The following SAR1B variants were observed in gnomAD, a reference collection of about 807,000 sequenced individuals.
SAR1B encodes the protein secretion associated Ras related GTPase 1B, also known as small COPII coat GTPase SAR1B.
In SAR1B, 23 loss-of-function variants were observed where a neutral mutation model predicts 26.8. The observed-to-expected ratio is 0.86, with a 90% CI of 0.62 to 1.22. The LOEUF is 1.22. Ranked by LOEUF, SAR1B falls within the 50% of genes most tolerant of loss-of-function variation. The pLI, the probability that SAR1B is intolerant of heterozygous loss-of-function variation, is 0.00. For missense variants in SAR1B, 196 were observed against 232.8 expected, an observed-to-expected ratio of 0.84 and a Z score of 1.03; for synonymous variants, 65 against 80.8, an observed-to-expected ratio of 0.80 and a Z score of 1.05.
At chr5:134,616,618 A>C (rs940170804) in intron 3 of SAR1B, among the ~76,000 whole-genome samples, 1 of 152,338 alleles carries the variant, frequency 6.6e-6, no homozygotes, top group Non-Finnish European at 1.5e-5. Flanking sequence ...AGTCTGAATT[A>C]GGCTATTTAA....
chr5:134,625,483 T>C (rs925027841), intron 1 of SAR1B, among the ~76,000 whole-genome samples: 1 of 152,096 alleles, frequency 6.6e-6, no homozygotes. Context: ...TATACAGAGA[T>C]GGAGCGGTGA....
At chr5:134,618,396 T>C (rs556584250) in intron 3 of SAR1B, 2 of 152,358 alleles carry the variant, frequency 1.3e-5, no homozygotes, top group African/African-American at 4.8e-5. Flanking sequence ...AAATACTTTG[T>C]TTTGTTCTAT....
intron 5 of SAR1B, 107 bp from the exon 6 acceptor site, chr5:134,608,610 C>T: frequency 1.6e-6 from 2 of 1,214,214 alleles, no homozygotes; most frequent in South Asian, 1.3e-5. Flanking sequence ...CATATCATGT[C>T]ATACCAACGT....
At chr5:134,621,169 C>A in intron 2 of SAR1B, 117 bp from the exon 3 acceptor site, 1 of 1,230,642 alleles carries the variant, frequency 8.1e-7, no homozygotes, top group South Asian at 1.3e-5. Flanking sequence ...TTTAAAAAAG[C>A]TATTTTAAAT....
rs895291939 is a variant in SAR1B, at chr5:134,606,767, T to C, written c.*183A>G. The C allele has an allele frequency of 1.7e-5, 10 of 600,228 alleles. No homozygotes were observed. The highest frequency in any genetic ancestry group is 2.5e-5 in the Admixed American group (1 of 39,630). The allele number at this position is 600,228 out of a possible 1,614,324, so 37.2% of individuals were successfully genotyped here. On this transcript the variant is annotated 3_prime_UTR_variant, in exon 7 of 7. Coordinates refer to ENST00000402673, the MANE Select transcript of SAR1B (RefSeq NM_016103.4). ...TGGAATTAGAAAGCTAACATTGTGA[T>C]ACTCAAACTTACTTGAATCAGTTTT...
At position 134,606,702 on chromosome 5, in the gene SAR1B, G is replaced by GACAAA. The variant is rs1765133371; in HGVS notation, c.*247_*248insTTTGT. 4.5e-6 allele frequency: 2 copies of GACAAA among 440,676 alleles called. No homozygotes were observed. The highest frequency in any genetic ancestry group is 4.7e-5 in the East Asian group (1 of 21,484). The allele number at this position is 440,676 out of a possible 1,614,324, so 27.3% of individuals were successfully genotyped here. A position where few individuals can be genotyped will look rare whatever the true frequency, so the allele number is the denominator to read the frequency against. ...GTTGCTCTTTACAAATGGCGCTGGG[G>GACAAA]TGATGTCAGATTATAAACTGTAAAA... On this transcript the variant is annotated 3_prime_UTR_variant, in exon 7 of 7. Transcript: ENST00000402673.
At chr5:134,617,186 T>C (rs111590009) in intron 3 of SAR1B, among the ~76,000 whole-genome samples, 6,299 of 151,998 alleles carry the variant, frequency 0.041, 413 homozygotes, top group African/African-American at 0.14. Context: ...GAGCCGCGAT[T>C]GTGCCATTGC....
intron 1 of SAR1B, among the ~76,000 whole-genome samples, chr5:134,630,957 GT>G (rs1198988773): frequency 8.0e-6 from 1 of 125,082 alleles, no homozygotes; most frequent in Non-Finnish European, 1.6e-5. Flanking sequence ...CTGGAGTGCA[GT>G]GGCATGATCA....
At chr5:134,630,889 C>CTTTTTTTTTTTTTTTTTT (rs781218368) in intron 1 of SAR1B, among the ~76,000 whole-genome samples, 4 of 69,124 alleles carry the variant, frequency 5.8e-5, no homozygotes, top group East Asian at 4.6e-4. Context: ...CTTTTTTTTT[C>CTTTTTTTTTTTTTTTTTT]TTTTTTTTTT....
Position 134,612,683 on chromosome 5 carries a change from A to AAAAAAAAAAC in SAR1B, c.244+7_244+8insGTTTTTTTTT. ...AAAAAAAAAAAAAAAAAAAAAAAAG[A>AAAAAAAAAAC]ATCTTACCTTGAACATGTCCACCCA... On this transcript the variant is annotated splice_region_variant and intron_variant, in intron 4 of 6. Coordinates refer to ENST00000402673, the MANE Select transcript of SAR1B (RefSeq NM_016103.4). The AAAAAAAAAAC allele has an allele frequency of 2.8e-6, 3 of 1,055,246 alleles. No homozygotes were observed. Among genetic ancestry groups the AAAAAAAAAAC allele is most frequent in the Non-Finnish European group, 4.0e-6 (3 of 756,328 alleles). The allele number at this position is 1,055,246 out of a possible 1,614,324, so 65.4% of individuals were successfully genotyped here.
intron 5 of SAR1B, 104 bp downstream of exon 5, chr5:134,609,467 C>A: frequency 1.1e-6 from 1 of 893,850 alleles, no homozygotes; most frequent in South Asian, 1.4e-5. Flanking sequence ...AGAGTTTCAT[C>A]AGAGACTGCA....
intron 1 of SAR1B, among the ~76,000 whole-genome samples, chr5:134,625,384 G>A (rs1191025299): frequency 6.6e-6 from 1 of 152,104 alleles, no homozygotes; most frequent in Admixed American, 6.6e-5. Flanking sequence ...AAAAGGACAA[G>A]GGGAACAGGA....
At chr5:134,628,650 T>TA (rs200111327) in intron 1 of SAR1B, among the ~76,000 whole-genome samples, 682 of 150,580 alleles carry the variant, frequency 4.5e-3, no homozygotes, top group South Asian at 7.4e-3. Context: ...ATCCCATCTC[T>TA]AAAAAAAAAA....
chr5:134,605,751 T>G lies in SAR1B; in HGVS notation c.*1199A>C. The G allele has an allele frequency of 6.6e-6, 1 of 150,612 alleles. No individual in the cohort carries two copies. Among genetic ancestry groups the G allele is most frequent in the East Asian group, 1.9e-4 (1 of 5,166 alleles). 9.3% of individuals were successfully genotyped at this position (150,612 alleles called of 1,614,324 possible). On this transcript the variant is annotated 3_prime_UTR_variant, in exon 7 of 7. Coordinates refer to ENST00000402673, the MANE Select transcript of SAR1B (RefSeq NM_016103.4). ...GAGAGCAAATAAGAAAAAAGAAAAT[T>G]GGAAACAAGCACTTGTTTTCTTCTA...
intron 2 of SAR1B, among the ~76,000 whole-genome samples, chr5:134,621,948 G>C (rs1302982771): frequency 1.3e-5 from 2 of 152,120 alleles, no homozygotes; most frequent in African/African-American, 2.4e-5. Flanking sequence ...ATGTTGGCCA[G>C]GCTGGCCTCA....
chr5:134,612,678 A>G lies in SAR1B; in HGVS notation c.244+13T>C, dbSNP rs1765237094. 2.0e-6 allele frequency: 2 copies of G among 1,000,164 alleles called. No homozygotes were observed. The highest frequency in any genetic ancestry group is 3.0e-5 in the East Asian group (1 of 33,660). 62.0% of individuals were successfully genotyped at this position (1,000,164 alleles called of 1,614,324 possible). A position where few individuals can be genotyped will look rare whatever the true frequency, so the allele number is the denominator to read the frequency against. ...AAAAAAAAAAAAAAAAAAAAAAAAAAAAAGAATCTTACCTTGAACATGTCC... is the reference window on the plus strand; with the variant it reads ...AAAAAAAAAAAAAAAAAAAAAAAAAGAAAGAATCTTACCTTGAACATGTCC... On this transcript the variant is annotated intron_variant, in intron 4 of 6. Coordinates refer to ENST00000402673, the MANE Select transcript of SAR1B (RefSeq NM_016103.4).
At chr5:134,629,588 T>C (rs1293020595) in intron 1 of SAR1B, among the ~76,000 whole-genome samples, 1 of 151,972 alleles carries the variant, frequency 6.6e-6, no homozygotes, top group African/African-American at 2.4e-5. Flanking sequence ...TCCCAGCTAC[T>C]CAGGAGGCTG....
intron 1 of SAR1B, chr5:134,625,781 A>T (rs1165941376): frequency 6.6e-6 from 1 of 152,178 alleles, no homozygotes; most frequent in Non-Finnish European, 1.5e-5. Flanking sequence ...AATCACCTGG[A>T]AGACTGGAGG....
In SAR1B at chr5:134,609,664, C is replaced by T. The variant is rs768368190; in HGVS notation, c.255G>A (p.Val85=). 6 of 1,613,880 alleles carry T rather than the reference C, an allele frequency of 3.7e-6. No homozygotes were observed. In the Admixed American group the frequency reaches 1.0e-4, roughly 27 times the overall value. Residue 85 remains valine (V), a synonymous_variant, in exon 5 of 7, where the codon GTG becomes GTA. Coordinates refer to ENST00000402673, the MANE Select transcript of SAR1B (RefSeq NM_016103.4). ...TGATAGCAGGAAGGTAGTTTTTCCACACTCTTCGAGCTAACAAAAACAATC... is the reference window on the plus strand; with the variant it reads ...TGATAGCAGGAAGGTAGTTTTTCCATACTCTTCGAGCTAACAAAAACAATC... ...DLGGHVQARR[V]WKNYLPAING...
Sources: gnomAD v4.1 joint callset for allele counts (sites outside exome capture counted in the v4.1 genomes callset) on GRCh38, gnomAD v4.1.1 for gene constraint, MANE v1.5 for transcripts, NCBI Gene and HGNC (gene_info 2026-07-23, HGNC 2026-07-21) for gene names.